Variants in PCDHA12 observed in about 807,000 individuals in gnomAD.
PCDHA12 encodes protocadherin alpha 12.
In PCDHA12, 44 loss-of-function variants were observed where a neutral mutation model predicts 60.0. That is an observed-to-expected ratio of 0.73 (90% CI 0.58 to 0.94). The LOEUF (loss-of-function observed/expected upper bound fraction) is 0.94, where lower values mean the gene tolerates loss of function less well. PCDHA12 is among the 40% of genes least tolerant of loss of function. The probability of loss-of-function intolerance (pLI) is 0.00; values close to 1 mark genes in which losing one functional copy is unlikely to be tolerated. For missense variants in PCDHA12, 1,276 were observed against 1,239.7 expected (o/e 1.03, Z -0.44); for synonymous variants, 569 against 553.0 (o/e 1.03, Z -0.40).
chr5:140,944,881 T>C (rs1554216593), intron 1 of PCDHA12, among the ~76,000 whole-genome samples: 1 of 152,180 alleles, frequency 6.6e-6, no homozygotes, highest in Non-Finnish European at 1.5e-5. Flanking sequence ...CCTACTCCAC[T>C]GTACAGTTCC....
chr5:140,919,120 C>G (rs1554198933), intron 1 of PCDHA12, among the ~76,000 whole-genome samples: 2 of 152,008 alleles, frequency 1.3e-5, no homozygotes, highest in African/African-American at 4.8e-5. Context: ...CCAGTTTTTG[C>G]TTCATGTGTT....
At chr5:140,905,880 A>G (rs1485985374) in intron 1 of PCDHA12, among the ~76,000 whole-genome samples, 4 of 152,172 alleles carry the variant, frequency 2.6e-5, no homozygotes, top group Non-Finnish European at 1.5e-5. Flanking sequence ...AGGCCCAACA[A>G]TAGGCCATCT....
At chr5:140,920,135 C>T (rs1206026315) in intron 1 of PCDHA12, among the ~76,000 whole-genome samples, 2 of 152,164 alleles carry the variant, frequency 1.3e-5, no homozygotes, top group Non-Finnish European at 2.9e-5. Flanking sequence ...TTTTAATTCT[C>T]CTCTCCAAAC....
intron 1 of PCDHA12, among the ~76,000 whole-genome samples, chr5:140,916,143 T>A (rs1237563249): frequency 4.6e-5 from 7 of 152,012 alleles, no homozygotes; most frequent in Non-Finnish European, 8.8e-5. Context: ...GCTGTTCAGT[T>A]GTGTTGTGGT....
intron 3 of PCDHA12, among the ~76,000 whole-genome samples, chr5:141,008,578 C>T (rs1185736158): frequency 6.6e-6 from 1 of 152,202 alleles, no homozygotes; most frequent in Non-Finnish European, 1.5e-5. Context: ...TTTCCCAAGA[C>T]TCAGGGCAGA....
intron 1 of PCDHA12, among the ~76,000 whole-genome samples, chr5:140,945,201 T>C (rs1168662297): frequency 2.6e-5 from 4 of 152,054 alleles, no homozygotes; most frequent in Non-Finnish European, 5.9e-5. Flanking sequence ...CTATTTACAA[T>C]AGCTATGAGA....
At chr5:140,898,664 G>C (rs1360946717) in intron 1 of PCDHA12, among the ~76,000 whole-genome samples, 1 of 152,190 alleles carries the variant, frequency 6.6e-6, no homozygotes, top group Non-Finnish European at 1.5e-5. Flanking sequence ...GATTGACTTG[G>C]TGTTGCGGGC....
chr5:140,964,918 G>A (rs563180752), intron 1 of PCDHA12, among the ~76,000 whole-genome samples: 59 of 152,308 alleles, frequency 3.9e-4, no homozygotes, highest in Admixed American at 3.4e-3. Context: ...GAATAACACT[G>A]GCTAGGTAGT....
intron 1 of PCDHA12, among the ~76,000 whole-genome samples, chr5:140,892,933 T>C (rs1323780846): frequency 6.6e-6 from 1 of 152,210 alleles, no homozygotes; most frequent in Non-Finnish European, 1.5e-5. Context: ...CAGCCTCTGA[T>C]AAGCACAATA....
At chr5:140,887,539 C>T in intron 1 of PCDHA12, among the ~76,000 whole-genome samples, 1 of 152,082 alleles carries the variant, frequency 6.6e-6, no homozygotes, top group East Asian at 1.9e-4. Flanking sequence ...CCTCTCCCCA[C>T]CCCTCATGGT....
At chr5:140,929,050 C>T (rs946542782) in intron 1 of PCDHA12, 11 of 1,614,026 alleles carry the variant, frequency 6.8e-6, no homozygotes, top group African/African-American at 5.3e-5. Flanking sequence ...GAGCTGCTGT[C>T]GCTCTACAGA....
chr5:140,957,852 A>AT (rs5871756), intron 1 of PCDHA12, among the ~76,000 whole-genome samples: 44,688 of 151,688 alleles, frequency 0.29, 7,154 homozygotes, highest in East Asian at 0.53. Context: ...GAGTTTGTGT[A>AT]TTTTTTTTCC....
At position 140,924,416 on chromosome 5, in the gene PCDHA12, T is replaced by A. The variant is rs1283567998; in HGVS notation, c.2367+46577T>A. 1.3e-5 allele frequency among the ~76,000 whole-genome samples: 2 copies of A among 152,192 alleles called. 1 individual carries two copies. The highest frequency in any genetic ancestry group is 4.1e-4 in the South Asian group (2 of 4,830). ...TATTGCCTTATATCACAGTGTGCCC[T>A]TTCTAGTTCCCTAGAAGAGATAACG... is the stretch of plus-strand genomic sequence containing the variant. On this transcript the variant is annotated intron_variant, in intron 1 of 3. Coordinates refer to ENST00000398631, the MANE Select transcript of PCDHA12 (RefSeq NM_018903.4).
intron 1 of PCDHA12, among the ~76,000 whole-genome samples, chr5:140,893,177 T>A (rs2063856203): frequency 6.6e-6 from 1 of 152,232 alleles, no homozygotes; most frequent in Admixed American, 6.5e-5. Flanking sequence ...TTCCACATAG[T>A]AGCTATTGTG....
In PCDHA12 at chr5:140,883,030, C is replaced by G. The variant is rs1554176556; in HGVS notation, c.2367+5191C>G. ...TTTATAAAGTGACGGTGTTAGAGAA[C>G]GCCTTCAATGGAACATTAGTGATCA... On this transcript the variant is annotated intron_variant, in intron 1 of 3. Coordinates refer to ENST00000398631, the MANE Select transcript of PCDHA12 (RefSeq NM_018903.4). 1 of 1,613,940 alleles carries G rather than the reference C, an allele frequency of 6.2e-7. No individual in the cohort carries two copies. Among genetic ancestry groups the G allele is most frequent in the Non-Finnish European group, 8.5e-7 (1 of 1,180,036 alleles).
intron 3 of PCDHA12, among the ~76,000 whole-genome samples, chr5:140,998,370 G>A (rs1321470929): frequency 2.6e-5 from 4 of 152,106 alleles, no homozygotes; most frequent in Admixed American, 1.3e-4. Flanking sequence ...TGCACACACC[G>A]TCTCTAGAAA....
At chr5:140,895,532 A>G (rs546443647) in intron 1 of PCDHA12, among the ~76,000 whole-genome samples, 1 of 152,172 alleles carries the variant, frequency 6.6e-6, no homozygotes, top group East Asian at 1.9e-4. Flanking sequence ...TCGTTTTTCA[A>G]TTGTTGAGTT....
chr5:141,005,034 T>C (rs1435712039), intron 3 of PCDHA12, among the ~76,000 whole-genome samples: 1 of 152,222 alleles, frequency 6.6e-6, no homozygotes, highest in Non-Finnish European at 1.5e-5. Flanking sequence ...ATTGCCCATA[T>C]GTGATACCAT....
chr5:140,974,618 T>C (rs781783540), intron 1 of PCDHA12, among the ~76,000 whole-genome samples: 1 of 152,086 alleles, frequency 6.6e-6, no homozygotes, highest in Non-Finnish European at 1.5e-5. Context: ...TTCAAGCGAT[T>C]CTCCTGCCTC....
Sources: allele counts gnomAD v4.1 joint callset (sites outside exome capture counted in the v4.1 genomes callset), GRCh38; gene constraint gnomAD v4.1.1; transcripts MANE v1.5; gene names NCBI Gene and HGNC (gene_info 2026-07-23, HGNC 2026-07-21).